NEGR1: variants seen among roughly 807,000 people sequenced by gnomAD.
NEGR1 encodes the protein neuronal growth regulator 1, also known as IgLON family member 4.
In NEGR1, 10 loss-of-function variants were observed where a neutral mutation model predicts 40.9. The observed-to-expected ratio is 0.24, with a 90% CI of 0.15 to 0.42. The LOEUF (loss-of-function observed/expected upper bound fraction) is 0.42. NEGR1 is among the 10% of genes least tolerant of loss of function. The pLI, the probability that NEGR1 is intolerant of heterozygous loss-of-function variation, is 1.00. For synonymous variants in NEGR1, 185 were observed against 166.8 expected (o/e 1.11, Z -0.84); for missense variants, 352 against 438.9 (o/e 0.80, Z 1.77).
At chr1:72,255,636 G>GCCCT (rs1228665871) in intron 1 of NEGR1, among the ~76,000 whole-genome samples, 1 of 143,380 alleles carries the variant, frequency 7.0e-6, no homozygotes, top group East Asian at 2.1e-4. Context: ...TGCAACCTCC[G>GCCCT]CCCTCCCGGG....
chr1:72,176,892 A>G (rs1652186688), intron 1 of NEGR1, among the ~76,000 whole-genome samples: 2 of 151,992 alleles, frequency 1.3e-5, no homozygotes, highest in Non-Finnish European at 2.9e-5. Context: ...TAGGAGCTGG[A>G]TTTCAGTGGA....
chr1:71,600,976 A>G (rs1399333416), intron 5 of NEGR1, among the ~76,000 whole-genome samples: 1 of 152,224 alleles, frequency 6.6e-6, no homozygotes, highest in Admixed American at 6.5e-5. Flanking sequence ...TTCCAGCCTC[A>G]GCCAGTGGCT....
chr1:71,776,106 T>C, intron 3 of NEGR1, 66 bp downstream of exon 3: 1 of 1,221,814 alleles, frequency 8.2e-7, no homozygotes, highest in East Asian at 2.8e-5. Context: ...TCTGAACAAG[T>C]GAGGTTAGTG....
intron 2 of NEGR1, among the ~76,000 whole-genome samples, chr1:71,812,448 T>C (rs1321646750): frequency 6.6e-6 from 1 of 152,118 alleles, no homozygotes; most frequent in Admixed American, 6.6e-5. Context: ...GTATTTCTGG[T>C]TCTAGGTCTT....
intron 3 of NEGR1, among the ~76,000 whole-genome samples, chr1:71,720,770 T>A (rs1346240169): frequency 6.6e-6 from 1 of 152,330 alleles, no homozygotes; most frequent in Non-Finnish European, 1.5e-5. Flanking sequence ...ACTGAATAGA[T>A]GTTTTGATGA....
chr1:71,983,862 GA>G (rs1477672358), intron 1 of NEGR1, among the ~76,000 whole-genome samples: 4 of 151,936 alleles, frequency 2.6e-5, no homozygotes, highest in Admixed American at 2.6e-4. Context: ...TTCATAACTT[GA>G]AAAACTACTC....
chr1:71,919,390 T>A (rs1661693247), intron 2 of NEGR1, among the ~76,000 whole-genome samples: 1 of 152,136 alleles, frequency 6.6e-6, no homozygotes, highest in Non-Finnish European at 1.5e-5. Context: ...CCTAAATTCA[T>A]CACACTGTTA....
intron 3 of NEGR1, among the ~76,000 whole-genome samples, chr1:71,737,298 T>G (rs1423746629): frequency 1.3e-5 from 2 of 152,044 alleles, no homozygotes; most frequent in African/African-American, 4.8e-5. Context: ...TTGATTTCCC[T>G]ACATATTTTA....
At chr1:71,976,126 A>G (rs1446020598) in intron 1 of NEGR1, among the ~76,000 whole-genome samples, 1 of 152,234 alleles carries the variant, frequency 6.6e-6, no homozygotes, top group Non-Finnish European at 1.5e-5. Flanking sequence ...AAATATACAC[A>G]TAAGACTCAT....
At chr1:71,984,247 C>G (rs1646376679) in intron 1 of NEGR1, among the ~76,000 whole-genome samples, 1 of 127,446 alleles carries the variant, frequency 7.8e-6, no homozygotes, top group African/African-American at 2.6e-5. Context: ...ACTTCAGGTC[C>G]TACTGCTCAA....
intron 6 of NEGR1, 39 bp from the exon 7 acceptor site, chr1:71,407,609 T>C: frequency 6.2e-7 from 1 of 1,604,818 alleles, no homozygotes. Context: ...AAATCTAATT[T>C]GTGTCTTCCA....
intron 1 of NEGR1, among the ~76,000 whole-genome samples, chr1:72,035,910 C>T (rs1646897702): frequency 6.6e-6 from 1 of 152,156 alleles, no homozygotes; most frequent in South Asian, 2.1e-4. Context: ...TTTCATATTT[C>T]CCCTTTCAGT....
chr1:71,608,932 T>C (rs928154371), intron 5 of NEGR1, among the ~76,000 whole-genome samples: 3 of 152,196 alleles, frequency 2.0e-5, no homozygotes, highest in African/African-American at 4.8e-5. Flanking sequence ...TATTTGTCCA[T>C]ATAGATAATT....
In NEGR1 at chr1:72,282,464, A is replaced by C. The variant is rs1656297837; in HGVS notation, c.31T>G (p.Cys11Gly). The change falls in exon 1 of 7, where the codon TGT becomes GGT. Residue 11 changes from cysteine to glycine, a missense_variant. Physicochemically the swap from Cys to Gly is radical, Grantham distance 159. Coordinates refer to ENST00000357731, the MANE Select transcript of NEGR1 (RefSeq NM_173808.3). Reference protein sequence around the residue: MDMMLLVQGACCSNQWLAAVL... With the variant: MDMMLLVQGAGCSNQWLAAVL... ...GCCGCCAGCCACTGGTTCGAGCAAC[A>C]AGCACCCTGCACCAACAGCATCATG... is the stretch of plus-strand genomic sequence containing the variant. 1 of 1,613,236 alleles carries C rather than the reference A, an allele frequency of 6.2e-7. No homozygotes were observed. Among genetic ancestry groups the C allele is most frequent in the Admixed American group, 1.7e-5 (1 of 59,952 alleles).
intron 6 of NEGR1, among the ~76,000 whole-genome samples, chr1:71,470,856 A>C (rs1216251941): frequency 6.6e-6 from 1 of 152,104 alleles, no homozygotes; most frequent in Non-Finnish European, 1.5e-5. Context: ...GATATACTTT[A>C]ACTTTCCCTC....
chr1:72,223,379 A>G (rs149218546), intron 1 of NEGR1, among the ~76,000 whole-genome samples: 1 of 152,350 alleles, frequency 6.6e-6, no homozygotes, highest in Non-Finnish European at 1.5e-5. Context: ...TCTGATTTGC[A>G]GAAAAGCTTA....
At chr1:71,695,878 T>C (rs1035581966) in intron 4 of NEGR1, among the ~76,000 whole-genome samples, 4 of 151,922 alleles carry the variant, frequency 2.6e-5, no homozygotes, top group African/African-American at 9.6e-5. Context: ...GTTTGTTTGC[T>C]GCCATTATAT....
At chr1:71,780,907 A>ATGAG (rs1459458557) in intron 2 of NEGR1, among the ~76,000 whole-genome samples, 1 of 152,202 alleles carries the variant, frequency 6.6e-6, no homozygotes, top group East Asian at 1.9e-4. Flanking sequence ...CAGGCCAGGT[A>ATGAG]TGAGTCACTT....
chr1:71,456,992 T>C (rs1557532552), intron 6 of NEGR1, among the ~76,000 whole-genome samples: 1 of 152,218 alleles, frequency 6.6e-6, no homozygotes, highest in East Asian at 1.9e-4. Context: ...GGTTGTTGTT[T>C]ACTCTTTGTT....
Sources: allele counts gnomAD v4.1 joint callset (sites outside exome capture counted in the v4.1 genomes callset), GRCh38; gene constraint gnomAD v4.1.1; transcripts MANE v1.5; gene names NCBI Gene and HGNC (gene_info 2026-07-23, HGNC 2026-07-21).